Variants in SNTG1 observed in about 807,000 individuals in gnomAD.
SNTG1 encodes syntrophin gamma 1.
A neutral mutation model predicts 74.7 loss-of-function variants in SNTG1; 39 were observed. The observed-to-expected ratio is 0.52, with a 90% confidence interval of 0.40 to 0.68. The LOEUF (loss-of-function observed/expected upper bound fraction) is 0.68, where lower values mean the gene tolerates loss of function less well. SNTG1 is among the 30% of genes least tolerant of loss of function. SNTG1 has a pLI of 0.00. For synonymous variants in SNTG1, 254 were observed against 217.1 expected (o/e 1.17, Z -1.49); for missense variants, 685 against 609.5 (o/e 1.12, Z -1.30).
intron 8 of SNTG1, among the ~76,000 whole-genome samples, chr8:50,455,082 A>G (rs948268790): frequency 1.1e-4 from 17 of 152,204 alleles, no homozygotes; most frequent in African/African-American, 4.1e-4. Context: ...TCTTTAACAT[A>G]TAACAATGGT....
chr8:50,073,952 C>A (rs187968236), intron 1 of SNTG1, among the ~76,000 whole-genome samples: 44 of 149,726 alleles, frequency 2.9e-4, no homozygotes, highest in African/African-American at 9.9e-4. Context: ...TACTAGATTT[C>A]GCATCCTTCT....
rs896407079 is a variant in SNTG1 at position 50,560,118 on chromosome 8, A to G, written c.810+6939A>G. The stretch of plus-strand genomic sequence containing the variant: ...TGCAGCCAAAAAACATATTAAAAAA[A>G]CCCTCAACATCACTGGTCATTAGAG... On this transcript the variant is annotated intron_variant, in intron 12 of 18. Transcript: ENST00000642720. 9.8e-5 allele frequency among the ~76,000 whole-genome samples: 15 copies of G among 152,292 alleles called. No individual in the cohort carries two copies. The East Asian group carries it at 1.5e-3, about 16-fold the overall frequency.
At chr8:50,610,727 C>T (rs118102780) in intron 13 of SNTG1, among the ~76,000 whole-genome samples, 74 of 152,164 alleles carry the variant, frequency 4.9e-4, no homozygotes, top group Non-Finnish European at 6.9e-4. Flanking sequence ...TTTCATCGAC[C>T]GCTGAGAGTA....
At chr8:50,555,198 G>T (rs1200498801) in intron 12 of SNTG1, among the ~76,000 whole-genome samples, 1 of 152,054 alleles carries the variant, frequency 6.6e-6, no homozygotes, top group South Asian at 2.1e-4. Context: ...CTATACTACT[G>T]TTTTAACTGT....
chr8:49,995,483 T>C (rs1354704980), intron 1 of SNTG1, among the ~76,000 whole-genome samples: 2 of 152,198 alleles, frequency 1.3e-5, no homozygotes, highest in African/African-American at 4.8e-5. Context: ...CAGTGGAGTC[T>C]GGCATCCACA....
chr8:50,306,335 T>G (rs11997687), intron 2 of SNTG1, among the ~76,000 whole-genome samples: 10,525 of 152,108 alleles, frequency 0.069, 405 homozygotes, highest in African/African-American at 0.085. Context: ...TTTGAAATTG[T>G]AAACTGGGCT....
intron 18 of SNTG1, among the ~76,000 whole-genome samples, chr8:50,792,133 A>T (rs2095692669): frequency 6.6e-6 from 1 of 151,576 alleles, no homozygotes; most frequent in African/African-American, 2.4e-5. Flanking sequence ...AGCCAGCCAC[A>T]ATTAAAATTA....
chr8:50,400,438 A>G (rs2092788170), intron 3 of SNTG1, among the ~76,000 whole-genome samples: 1 of 152,144 alleles, frequency 6.6e-6, no homozygotes, highest in Non-Finnish European at 1.5e-5. Context: ...TTGATTTCAT[A>G]TCTTGGCTGT....
In SNTG1 at chr8:50,124,529, G is replaced by A. The variant is rs1317989976; in HGVS notation, c.-102-48032G>A. Among the ~76,000 whole-genome samples the A allele has an allele frequency of 7.0e-5, 10 of 142,332 alleles. 3 individuals carry two copies. Among genetic ancestry groups the A allele is most frequent in the African/African-American group, 2.0e-4 (8 of 39,272 alleles). The allele number at this position is 142,332 out of a possible 152,430, so 93.4% of individuals were successfully genotyped here. A position where few individuals can be genotyped will look rare whatever the true frequency, so the allele number is the denominator to read the frequency against. ...AAATGTTATCTTTCAAAAGATTAAC[G>A]TTGCATATTAATAAAGCTGACCTCT... is the stretch of plus-strand genomic sequence containing the variant. On this transcript the variant is annotated intron_variant, in intron 1 of 18. Transcript: ENST00000642720.
At chr8:50,010,263 T>A (rs1815648369) in intron 1 of SNTG1, among the ~76,000 whole-genome samples, 1 of 152,100 alleles carries the variant, frequency 6.6e-6, no homozygotes, top group African/African-American at 2.4e-5. Flanking sequence ...TTACTCAGAG[T>A]AACTCACTTA....
Position 50,517,755 on chromosome 8 carries a change from ACT to A in SNTG1, c.467-12421_467-12420del, listed in dbSNP as rs561243154. On this transcript the variant is annotated intron_variant, in intron 9 of 18. Transcript: ENST00000642720. Reference sequence around the variant, plus strand: ...AGGATCAATGCAACAAGAAGAGCTAACTATCCTAAATATATATGCACCCAATA... The same window carrying A: ...AGGATCAATGCAACAAGAAGAGCTAAATCCTAAATATATATGCACCCAATA... Among the ~76,000 whole-genome samples the A allele has an allele frequency of 1.3e-3, 201 of 152,334 alleles. No homozygotes were observed. The East Asian group carries it at 0.033, about 25-fold the overall frequency.
At chr8:50,574,663 A>G (rs2094566785) in intron 12 of SNTG1, among the ~76,000 whole-genome samples, 1 of 152,128 alleles carries the variant, frequency 6.6e-6, no homozygotes, top group Admixed American at 6.5e-5. Flanking sequence ...TTCTGAGATT[A>G]CCCACTTTTA....
chr8:50,575,863 C>G (rs980859881), intron 12 of SNTG1: 49 of 152,288 alleles, frequency 3.2e-4, no homozygotes, highest in African/African-American at 1.1e-3. Flanking sequence ...ATATCTTCTT[C>G]CAGGAAACTT....
rs146432860 is a variant in SNTG1 at position 50,474,178 on chromosome 8, G to A, written c.363+23449G>A. On this transcript the variant is annotated intron_variant, in intron 8 of 18. Transcript: ENST00000642720. ...ACATAGGCATGGGCAAGGACTTCAC[G>A]TCTAAAACACCAAAAGCAATGGCAA... Among the ~76,000 whole-genome samples, 321 of 152,096 alleles carry A rather than the reference G, an allele frequency of 2.1e-3. 2 individuals carry two copies. The highest frequency in any genetic ancestry group is 7.4e-3 in the African/African-American group (309 of 41,510).
chr8:50,413,127 CA>C (rs1202123979), intron 4 of SNTG1, among the ~76,000 whole-genome samples: 1 of 152,036 alleles, frequency 6.6e-6, no homozygotes, highest in Admixed American at 6.6e-5. Context: ...GTCATACTTA[CA>C]AAAAGATATG....
intron 13 of SNTG1, among the ~76,000 whole-genome samples, chr8:50,592,897 A>T (rs1241083016): frequency 1.3e-5 from 2 of 152,210 alleles, no homozygotes; most frequent in Non-Finnish European, 2.9e-5. Context: ...AATTTTAAGA[A>T]ATAGGATTAA....
Position 50,226,733 on chromosome 8 carries a change from A to G in SNTG1, c.-28+54098A>G, listed in dbSNP as rs566547524. On this transcript the variant is annotated intron_variant, in intron 2 of 18. Transcript: ENST00000642720. ...TGTGTTTCTTAAGTGTATTTGGTTG[A>G]TGTCTCATGCCTCTCTGAAATATAT... 2.0e-4 allele frequency among the ~76,000 whole-genome samples: 30 copies of G among 152,248 alleles called. No homozygotes were observed. In the East Asian group the frequency reaches 5.8e-3, roughly 29 times the overall value.
chr8:50,105,176 G>T (rs2080316443), intron 1 of SNTG1, among the ~76,000 whole-genome samples: 1 of 152,054 alleles, frequency 6.6e-6, no homozygotes, highest in African/African-American at 2.4e-5. Context: ...TTACATTGAA[G>T]TCTTTAGTCC....
intron 2 of SNTG1, among the ~76,000 whole-genome samples, chr8:50,177,679 C>T (rs2083050688): frequency 6.6e-6 from 1 of 152,138 alleles, no homozygotes; most frequent in African/African-American, 2.4e-5. Context: ...TTATAAGGCC[C>T]CTGCATACAC....
Sources: allele counts gnomAD v4.1 joint callset (sites outside exome capture counted in the v4.1 genomes callset), GRCh38; gene constraint gnomAD v4.1.1; transcripts MANE v1.5; gene names NCBI Gene and HGNC (gene_info 2026-07-23, HGNC 2026-07-21).